BRF1: variants seen among roughly 807,000 people sequenced by gnomAD.
BRF1 encodes BRF1 general transcription factor IIIB subunit.
A neutral mutation model predicts 81.7 loss-of-function variants in BRF1; 59 were observed. The ratio of observed to expected loss-of-function variants is 0.72; its 90% CI spans 0.59 to 0.90. The LOEUF is 0.90. Ranked by LOEUF, BRF1 falls within the 40% of genes least tolerant of loss-of-function variation. The pLI is 0.00. For missense variants in BRF1, 1,050 were observed against 936.3 expected (o/e 1.12, Z -1.58); for synonymous variants, 491 against 395.6 (o/e 1.24, Z -2.86).
intron 3 of BRF1, among the ~76,000 whole-genome samples, chr14:105,262,537 C>G (rs1368572236): frequency 2.6e-5 from 4 of 152,244 alleles, no homozygotes; most frequent in Non-Finnish European, 4.4e-5. Flanking sequence ...CCTGAATAAT[C>G]TAGCACCTCA....
At chr14:105,226,593 C>G (rs587737875) in intron 8 of BRF1, 41 bp downstream of exon 8, 4 of 1,610,300 alleles carry the variant, frequency 2.5e-6, no homozygotes, top group Non-Finnish European at 3.4e-6. Context: ...CCCCCCAAGG[C>G]TGGCAAGCCC....
chr14:105,229,523 TA>T (rs1198168147), intron 6 of BRF1, among the ~76,000 whole-genome samples: 14 of 152,012 alleles, frequency 9.2e-5, no homozygotes, highest in African/African-American at 2.9e-4. Context: ...GGAGCTGGGG[TA>T]GTTGACCAGG....
Position 105,221,640 on chromosome 14 carries a change from G to C in BRF1, c.1315+8C>G, listed in dbSNP as rs747215596. The C allele has an allele frequency of 1.9e-6, 3 of 1,607,704 alleles. No homozygotes were observed. In the South Asian group the frequency reaches 3.3e-5, roughly 18 times the overall value. On this transcript the variant is annotated splice_region_variant and intron_variant, in intron 11 of 17. Transcript: ENST00000547530. ...CTCAGCGTCCCCCAGGGCCCCATCAGAACTCACTGGGGTCGCTGCTCTGAG... is the reference window on the plus strand; with the variant it reads ...CTCAGCGTCCCCCAGGGCCCCATCACAACTCACTGGGGTCGCTGCTCTGAG...
At chr14:105,296,848 G>A (rs2140546197) in intron 1 of BRF1, among the ~76,000 whole-genome samples, 1 of 152,204 alleles carries the variant, frequency 6.6e-6, no homozygotes, top group African/African-American at 2.4e-5. Context: ...ATAGAGCTTA[G>A]GTACACATCT....
At chr14:105,220,389 T>G (rs1398706631) in intron 11 of BRF1, among the ~76,000 whole-genome samples, 2 of 152,196 alleles carry the variant, frequency 1.3e-5, no homozygotes, top group African/African-American at 4.8e-5. Flanking sequence ...CTGTGCTTTT[T>G]GTAAAAAAGC....
chr14:105,314,409 G>C (rs865995507), intron 1 of BRF1: 4 of 150,886 alleles, frequency 2.7e-5, no homozygotes, highest in South Asian at 2.1e-4. Context: ...AAGCTGGCCG[G>C]GACCCGGTGG....
At position 105,248,421 on chromosome 14, in the gene BRF1, C is replaced by T. The variant is rs926983180; in HGVS notation, c.544+4086G>A. 5 of 985,228 alleles carry T rather than the reference C, an allele frequency of 5.1e-6. No homozygotes were observed. In the African/African-American group the frequency reaches 5.2e-5, roughly 10 times the overall value. 61.0% of individuals were successfully genotyped at this position (985,228 alleles called of 1,614,324 possible). A position where few individuals can be genotyped will look rare whatever the true frequency, so the allele number is the denominator to read the frequency against. ...GAGCCGCCTTCCACGGCTACCTCTG[C>T]ACAGCGCGCGGCTCGCGCCGGTTGC... On this transcript the variant is annotated intron_variant, in intron 5 of 17. Transcript: ENST00000547530.
At chr14:105,241,121 C>T (rs920427708) in intron 6 of BRF1, 144 bp downstream of exon 6, 2 of 1,346,598 alleles carry the variant, frequency 1.5e-6, no homozygotes, top group Admixed American at 2.3e-5. Flanking sequence ...CCCGGTGGGC[C>T]AGGCCAGAGT....
intron 3 of BRF1, among the ~76,000 whole-genome samples, chr14:105,265,181 C>T (rs1286723523): frequency 6.6e-6 from 1 of 151,904 alleles, no homozygotes; most frequent in Non-Finnish European, 1.5e-5. Context: ...AGTGATCCTC[C>T]TGCCTCAGCC....
Position 105,209,331 on chromosome 14 carries a change from C to A in BRF1, c.*1220G>T, listed in dbSNP as rs1889817131. 1.8e-6 allele frequency: 1 copy of A among 559,438 alleles called. No individual in the cohort carries two copies. Among genetic ancestry groups the A allele is most frequent in the Admixed American group, 3.3e-5 (1 of 30,750 alleles). 34.7% of individuals were successfully genotyped at this position (559,438 alleles called of 1,614,324 possible). On this transcript the variant is annotated 3_prime_UTR_variant, in exon 18 of 18. Transcript: ENST00000547530. ...ATCTTCCTGCTTTACTAAATCTATT[C>A]TTCCCCCAAGCCCTCGAGAAGCCCT...
Position 105,241,278 on chromosome 14 carries a change from G to T in BRF1, c.681C>A (p.Gly227=). ...DWMHTGRRPS[G]LCGAALLVAA... ...GGCCCGCTGTACCTGCTCCGCAGAG[G>T]CCCGAGGGGCGCCGGCCTGTGTGCA... is the stretch of plus-strand genomic sequence containing the variant. The change falls in exon 6 of 18, where the codon GGC becomes GGA. Residue 227 remains glycine (G), a synonymous_variant. Transcript: ENST00000547530. 2 of 1,611,894 alleles carry T rather than the reference G, an allele frequency of 1.2e-6. No individual in the cohort carries two copies. The highest frequency in any genetic ancestry group is 8.5e-7 in the Non-Finnish European group (1 of 1,179,782).
chr14:105,264,313 A>G (rs1335811814), intron 3 of BRF1, among the ~76,000 whole-genome samples: 1 of 151,686 alleles, frequency 6.6e-6, no homozygotes, highest in Non-Finnish European at 1.5e-5. Context: ...CTCTACAAAA[A>G]ATAAAGAGCC....
At chr14:105,218,894 G>T in intron 14 of BRF1, 104 bp downstream of exon 14, 1 of 1,533,058 alleles carries the variant, frequency 6.5e-7, no homozygotes. Context: ...CTGCCCTGGG[G>T]CCTAGACCCT....
At chr14:105,247,440 G>C in intron 5 of BRF1, 2 of 985,408 alleles carry the variant, frequency 2.0e-6, no homozygotes, top group African/African-American at 3.5e-5. Flanking sequence ...CACGTCCTTT[G>C]CCCGTTTTTT....
chr14:105,266,229 G>A (rs587681080), intron 3 of BRF1, among the ~76,000 whole-genome samples: 1 of 152,118 alleles, frequency 6.6e-6, no homozygotes, highest in East Asian at 1.9e-4. Context: ...GAAGATAACT[G>A]GAACCCAGGA....
At chr14:105,249,083 G>C in intron 5 of BRF1, 2 of 1,424,992 alleles carry the variant, frequency 1.4e-6, no homozygotes, top group Non-Finnish European at 1.8e-6. Flanking sequence ...CGCTGCGCGA[G>C]AGGTGAGCCC....
In BRF1 at chr14:105,284,734, C is replaced by A. The variant is rs59108348; in HGVS notation, c.265+1562G>T. ...TCAATGGTGAAGACTGGATGCTTCCCCAGGATCAAGGACAAGAGGATGTCT... is the reference window on the plus strand; with the variant it reads ...TCAATGGTGAAGACTGGATGCTTCCACAGGATCAAGGACAAGAGGATGTCT... On this transcript the variant is annotated intron_variant, in intron 2 of 17. Coordinates refer to ENST00000547530, the MANE Select transcript of BRF1 (RefSeq NM_001519.4). This position sits in a 1 kb window ranked among gnomAD's most constrained non-coding sequence, Gnocchi z 4.0. Among the ~76,000 whole-genome samples, 9 of 152,218 alleles carry A rather than the reference C, an allele frequency of 5.9e-5. No individual in the cohort carries two copies. The highest frequency in any genetic ancestry group is 2.2e-4 in the African/African-American group (9 of 41,530).
Position 105,210,651 on chromosome 14 carries a change from A to G in BRF1, c.1997-63T>C, listed in dbSNP as rs1183792484. Reference sequence around the variant, plus strand: ...TGGGACCCAGGAGCCCAGACCCCCCAACCCGCCCTGTTCCTGGTGCCCCCC... The same window carrying G: ...TGGGACCCAGGAGCCCAGACCCCCCGACCCGCCCTGTTCCTGGTGCCCCCC... On this transcript the variant is annotated intron_variant, in intron 17 of 17. Coordinates refer to ENST00000547530, the MANE Select transcript of BRF1 (RefSeq NM_001519.4). This position sits in a 1 kb window ranked among gnomAD's most constrained non-coding sequence, Gnocchi z 4.7. 1 of 1,537,500 alleles carries G rather than the reference A, an allele frequency of 6.5e-7. No homozygotes were observed. Among genetic ancestry groups the G allele is most frequent in the Non-Finnish European group, 8.8e-7 (1 of 1,133,630 alleles).
intron 2 of BRF1, 126 bp downstream of exon 2, chr14:105,286,170 G>A (rs1316933098): frequency 2.3e-5 from 25 of 1,083,664 alleles, no homozygotes; most frequent in African/African-American, 4.7e-5. Context: ...TGGGCTGGGC[G>A]TGCAGGGTGA....
Sources: gnomAD v4.1 joint callset for allele counts (sites outside exome capture counted in the v4.1 genomes callset) on GRCh38, gnomAD v4.1.1 for gene constraint, Gnocchi (gnomAD v3.1) non-coding constraint, MANE v1.5 for transcripts, NCBI Gene and HGNC (gene_info 2026-07-23, HGNC 2026-07-21) for gene names.